TEX11: variants seen among roughly 807,000 people sequenced by gnomAD.
The protein encoded by TEX11 is testis expressed 11.
In TEX11, 7 loss-of-function variants were observed where a neutral mutation model predicts 84.4. The ratio of observed to expected loss-of-function variants is 0.08; its 90% confidence interval spans 0.05 to 0.16. TEX11 has a LOEUF of 0.16. TEX11 is among the 10% of genes least tolerant of loss of function. The pLI is 1.00. For missense variants in TEX11, 551 were observed against 660.5 expected (o/e 0.83, Z 1.82); for synonymous variants, 264 against 222.8 (o/e 1.18, Z -1.64).
At chrX:70,597,272 A>G (rs1393466743) in intron 24 of TEX11, among the ~76,000 whole-genome samples, 3 of 111,913 alleles carry the variant, frequency 2.7e-5, no homozygotes, top group Non-Finnish European at 5.6e-5. Flanking sequence ...TTTTGCAGAA[A>G]TCAACAAGTT....
chrX:70,692,972 C>T (rs911398371), intron 13 of TEX11, among the ~76,000 whole-genome samples: 4 of 111,922 alleles, frequency 3.6e-5, no homozygotes, highest in African/African-American at 1.3e-4. Context: ...TGGCAGGGTG[C>T]AGTGGCACAC....
chrX:70,600,433 C>T (rs976985000), intron 24 of TEX11, among the ~76,000 whole-genome samples: 1 of 110,751 alleles, frequency 9.0e-6, no homozygotes, highest in Admixed American at 9.7e-5. Context: ...CTTTAACTTC[C>T]CACCATCAAC....
At chrX:70,670,185 C>G (rs2090010223) in intron 16 of TEX11, among the ~76,000 whole-genome samples, 192 bp downstream of exon 16, 1 of 111,995 alleles carries the variant, frequency 8.9e-6, no homozygotes, top group Non-Finnish European at 1.9e-5. Flanking sequence ...TCCAAATTCT[C>G]TCTTTCTTTG....
At chrX:70,558,423 G>A (rs1213815544) in intron 25 of TEX11, among the ~76,000 whole-genome samples, 1 of 111,370 alleles carries the variant, frequency 9.0e-6, no homozygotes, top group East Asian at 2.8e-4. Flanking sequence ...GAATTAACTC[G>A]AAATAGATCA....
At chrX:70,840,172 A>AAT (rs1040170442) in intron 7 of TEX11, among the ~76,000 whole-genome samples, 10 of 111,419 alleles carry the variant, frequency 9.0e-5, no homozygotes, top group African/African-American at 3.3e-4. Context: ...CAAGACACAT[A>AAT]ATTGTCAGAT....
At chrX:70,705,265 T>C (rs1240633288) in intron 13 of TEX11, among the ~76,000 whole-genome samples, 2 of 111,781 alleles carry the variant, frequency 1.8e-5, no homozygotes, top group Non-Finnish European at 3.8e-5. Flanking sequence ...CTTAGGATTG[T>C]CTTGGCAATG....
intron 13 of TEX11, among the ~76,000 whole-genome samples, chrX:70,688,659 G>C (rs1007284778): frequency 9.1e-6 from 1 of 109,296 alleles, no homozygotes; most frequent in Non-Finnish European, 1.9e-5. Context: ...AAAATACTAC[G>C]TGTGATACTA....
intron 9 of TEX11, among the ~76,000 whole-genome samples, chrX:70,775,907 C>T (rs2090998962): frequency 9.2e-6 from 1 of 108,846 alleles, no homozygotes; most frequent in South Asian, 4.1e-4. Flanking sequence ...ATCATCTTAC[C>T]CCACCCAGTC....
Position 70,811,169 on chromosome X carries a change from TC to T in TEX11, c.607-4380del, listed in dbSNP as rs1256064654. On this transcript the variant is annotated intron_variant, in intron 8 of 29. Coordinates refer to ENST00000374333, the MANE Select transcript of TEX11 (RefSeq NM_031276.3). ...TAGGTATATCTCCTAATGCGATCCC[TC>T]CCCCCTGCCCCCACCCCACAACAGG... is the stretch of plus-strand genomic sequence containing the variant. Among the ~76,000 whole-genome samples, 2 of 106,370 alleles carry T rather than the reference TC, an allele frequency of 1.9e-5. 1 individual carries two copies. Among genetic ancestry groups the T allele is most frequent in the Non-Finnish European group, 3.9e-5 (2 of 51,605 alleles). 92.4% of individuals were successfully genotyped at this position (106,370 alleles called of 115,157 possible).
chrX:70,650,917 C>T (rs1159178655), intron 17 of TEX11, among the ~76,000 whole-genome samples: 1 of 111,708 alleles, frequency 9.0e-6, no homozygotes, highest in Non-Finnish European at 1.9e-5. Context: ...GGAAACTATG[C>T]TTAACTTAAT....
intron 13 of TEX11, among the ~76,000 whole-genome samples, chrX:70,710,032 C>A (rs149644377): frequency 1.8e-5 from 2 of 110,811 alleles, no homozygotes; most frequent in African/African-American, 6.5e-5. Context: ...TCTTGGTAGT[C>A]TAACTGCAAT....
At chrX:70,676,526 C>T (rs752158797) in intron 15 of TEX11, among the ~76,000 whole-genome samples, 1 of 112,303 alleles carries the variant, frequency 8.9e-6, no homozygotes. Context: ...GCTTTTAGGA[C>T]ATTCTCTTTA....
chrX:70,766,052 A>G (rs1383548695), intron 9 of TEX11, among the ~76,000 whole-genome samples: 1 of 112,150 alleles, frequency 8.9e-6, no homozygotes, highest in Non-Finnish European at 1.9e-5. Flanking sequence ...AATAAAATTA[A>G]ACATCTATGA....
chrX:70,749,074 G>C (rs1366839889), intron 9 of TEX11, among the ~76,000 whole-genome samples: 2 of 103,266 alleles, frequency 1.9e-5, no homozygotes, highest in African/African-American at 3.8e-5. Context: ...TCTTCCATTT[G>C]TTTGTATCCT....
At chrX:70,592,233 A>C (rs1018483877) in intron 24 of TEX11, among the ~76,000 whole-genome samples, 2 of 111,220 alleles carry the variant, frequency 1.8e-5, no homozygotes, top group East Asian at 5.7e-4. Context: ...CATTTATTCC[A>C]GGAAATCTAC....
At chrX:70,800,065 TACTC>T (rs1204874697) in intron 9 of TEX11, among the ~76,000 whole-genome samples, 2 of 107,619 alleles carry the variant, frequency 1.9e-5, no homozygotes, top group Admixed American at 2.3e-4. Flanking sequence ...ATGGGGATGT[TACTC>T]AATTAATTAA....
intron 28 of TEX11, among the ~76,000 whole-genome samples, chrX:70,543,848 CTT>C (rs1402532462): frequency 8.9e-6 from 1 of 111,913 alleles, no homozygotes; most frequent in Non-Finnish European, 1.9e-5. Flanking sequence ...CTTACACAAA[CTT>C]ATATGGTATA....
intron 9 of TEX11, among the ~76,000 whole-genome samples, chrX:70,771,378 A>G (rs1432484925): frequency 2.7e-5 from 3 of 111,881 alleles, no homozygotes; most frequent in African/African-American, 3.2e-5. Context: ...GTTTTATCCA[A>G]CTCTCTTGGA....
At chrX:70,713,551 T>C (rs200961323) in intron 13 of TEX11, among the ~76,000 whole-genome samples, 1 of 112,270 alleles carries the variant, frequency 8.9e-6, no homozygotes, top group Non-Finnish European at 1.9e-5. Flanking sequence ...TTTATCCATT[T>C]CTTCTAGATT....
Sources: allele counts gnomAD v4.1 joint callset (sites outside exome capture counted in the v4.1 genomes callset), GRCh38; gene constraint gnomAD v4.1.1; transcripts MANE v1.5; gene names NCBI Gene and HGNC (gene_info 2026-07-23, HGNC 2026-07-21).